Variants in GLI2 observed in about 807,000 individuals in gnomAD.
The protein encoded by GLI2 is GLI family zinc finger 2, also known as transcription activator GLI2.
GLI2 carries 22 observed loss-of-function variants against 78.9 expected under a neutral mutation model. That is an observed-to-expected ratio of 0.28 (90% CI 0.20 to 0.40). GLI2 has a LOEUF of 0.40. Ranked by LOEUF, GLI2 falls within the 10% of genes least tolerant of loss-of-function variation. The probability of loss-of-function intolerance (pLI) is 1.00; values close to 1 mark genes in which losing one functional copy is unlikely to be tolerated. For missense variants in GLI2, 2,097 were observed against 2,213.2 expected (o/e 0.95, Z 1.05); for synonymous variants, 974 against 963.7 (o/e 1.01, Z -0.20).
chr2:120,761,554 T>C (rs1683212829), intron 1 of GLI2, among the ~76,000 whole-genome samples: 1 of 150,886 alleles, frequency 6.6e-6, no homozygotes, highest in Non-Finnish European at 1.5e-5. Flanking sequence ...TGTGCAGAGG[T>C]GGAGGGCGTA....
intron 2 of GLI2, 80 bp downstream of exon 2, chr2:120,797,548 C>T: frequency 7.2e-7 from 1 of 1,390,156 alleles, no homozygotes; most frequent in Non-Finnish European, 1.0e-6. Context: ...AGTGGTGGCC[C>T]ATGTCGTCAG....
chr2:120,773,397 C>T (rs1239905877), intron 1 of GLI2, among the ~76,000 whole-genome samples: 2 of 152,138 alleles, frequency 1.3e-5, no homozygotes, highest in South Asian at 2.1e-4. Flanking sequence ...TTATGTGTGG[C>T]ATCCTGTCAC....
At chr2:120,870,663 G>A (rs1688380677) in intron 2 of GLI2, among the ~76,000 whole-genome samples, 2 of 152,206 alleles carry the variant, frequency 1.3e-5, no homozygotes, top group Non-Finnish European at 2.9e-5. Flanking sequence ...ATTATTTCAA[G>A]TGACCGCGCC....
chr2:120,926,712 G>A (rs542980764), intron 2 of GLI2, among the ~76,000 whole-genome samples: 57 of 152,332 alleles, frequency 3.7e-4, no homozygotes, highest in Non-Finnish European at 6.6e-4. Flanking sequence ...ACTCAGCTCT[G>A]GAAACTGACA....
chr2:120,970,260 A>C, intron 6 of GLI2, 133 bp from the exon 7 acceptor site: 1 of 641,310 alleles, frequency 1.6e-6, no homozygotes, highest in South Asian at 1.8e-5. Context: ...TGAGTGAGGA[A>C]GCCACGGTGA....
At chr2:120,842,824 C>T (rs768580547) in intron 2 of GLI2, among the ~76,000 whole-genome samples, 153 of 152,216 alleles carry the variant, frequency 1.0e-3, no homozygotes, top group Non-Finnish European at 4.7e-4. Flanking sequence ...AGGCATAGGA[C>T]ATAGTTTTAT....
intron 2 of GLI2, among the ~76,000 whole-genome samples, chr2:120,873,016 C>T (rs1268081299): frequency 2.6e-5 from 4 of 152,250 alleles, no homozygotes; most frequent in Non-Finnish European, 5.9e-5. Flanking sequence ...TATATGCTTG[C>T]AGTCTTCTGT....
At chr2:120,751,351 C>A (rs1311846058) in intron 1 of GLI2, among the ~76,000 whole-genome samples, 1 of 152,156 alleles carries the variant, frequency 6.6e-6, no homozygotes, top group African/African-American at 2.4e-5. Context: ...CCCCTTCCCC[C>A]CAAACTTTAC....
intron 1 of GLI2, among the ~76,000 whole-genome samples, chr2:120,789,033 C>CTTTT (rs35017068): frequency 5.2e-4 from 66 of 126,568 alleles, no homozygotes; most frequent in South Asian, 1.3e-3. Flanking sequence ...TTCTTTCTTT[C>CTTTT]TTTTTTTTTT....
chr2:120,904,660 G>A (rs1024201866), intron 2 of GLI2, among the ~76,000 whole-genome samples: 6 of 152,184 alleles, frequency 3.9e-5, no homozygotes, highest in African/African-American at 9.7e-5. Flanking sequence ...CCCCCTGCCC[G>A]ATGGAATCCA....
In GLI2 at chr2:120,737,675, C is replaced by A. The variant is rs1287451762; in HGVS notation, c.-31+1390C>A. On this transcript the variant is annotated intron_variant, in intron 1 of 13. Transcript: ENST00000361492. The surrounding 1 kb of genome is among the most constrained non-coding windows in gnomAD (Gnocchi z 4.3). ...TGCCGGGCGTGTGAAGGTTTAATCC[C>A]GACAGCTTCAGATAAAGGGAGCAGT... Among the ~76,000 whole-genome samples the A allele has an allele frequency of 6.6e-6, 1 of 152,166 alleles. No individual in the cohort carries two copies. The highest frequency in any genetic ancestry group is 1.5e-5 in the Non-Finnish European group (1 of 68,038).
intron 3 of GLI2, among the ~76,000 whole-genome samples, chr2:120,936,316 C>T (rs976981512): frequency 1.3e-5 from 2 of 152,018 alleles, no homozygotes; most frequent in Non-Finnish European, 2.9e-5. Context: ...TACCGAGTGG[C>T]GGAGAGACCC....
intron 2 of GLI2, among the ~76,000 whole-genome samples, chr2:120,896,011 T>C (rs79453366): frequency 0.029 from 4,374 of 152,266 alleles, 225 homozygotes; most frequent in African/African-American, 0.1. Context: ...GAAACTGAGA[T>C]TGGAGAAGGC....
intron 2 of GLI2, among the ~76,000 whole-genome samples, chr2:120,900,950 G>C (rs1217791979): frequency 6.6e-6 from 1 of 152,176 alleles, no homozygotes; most frequent in African/African-American, 2.4e-5. Flanking sequence ...TTAAGAGGGA[G>C]AACAGAGCCC....
chr2:120,938,199 A>G (rs909366312), intron 3 of GLI2, among the ~76,000 whole-genome samples: 6 of 152,140 alleles, frequency 3.9e-5, no homozygotes, highest in Non-Finnish European at 8.8e-5. Flanking sequence ...CCGGACCCAG[A>G]CACATTCCTG....
chr2:120,977,214 C>T (rs1450940431), intron 9 of GLI2, among the ~76,000 whole-genome samples: 1 of 152,128 alleles, frequency 6.6e-6, no homozygotes, highest in Non-Finnish European at 1.5e-5. Context: ...GCAGAATGTC[C>T]AGCAGAACAA....
chr2:120,814,870 T>C (rs942886332), intron 2 of GLI2, among the ~76,000 whole-genome samples: 1 of 145,014 alleles, frequency 6.9e-6, no homozygotes, highest in Admixed American at 7.4e-5. Flanking sequence ...TCGGGACCAT[T>C]GGGGTAGAGG....
At position 120,928,764 on chromosome 2, in the gene GLI2, T is replaced by C. The variant is rs72837313; in HGVS notation, c.254+1298T>C. 1.9e-3 allele frequency among the ~76,000 whole-genome samples: 291 copies of C among 152,360 alleles called. 1 individual carries two copies. The highest frequency in any genetic ancestry group is 3.4e-3 in the Non-Finnish European group (233 of 68,036). The stretch of plus-strand genomic sequence containing the variant: ...TTTCTTTTTAAAAACTGTTTTACTT[T>C]TAAATATTTTACTCTGAAATAATTA... On this transcript the variant is annotated intron_variant, in intron 3 of 13. Transcript: ENST00000361492.
chr2:120,876,353 C>A (rs1290519889), intron 2 of GLI2, among the ~76,000 whole-genome samples: 1 of 152,038 alleles, frequency 6.6e-6, no homozygotes, highest in African/African-American at 2.4e-5. Context: ...AAAAAATAAA[C>A]AAACAAACAA....
Sources: allele counts gnomAD v4.1 joint callset (sites outside exome capture counted in the v4.1 genomes callset), GRCh38; gene constraint gnomAD v4.1.1; non-coding constraint Gnocchi (gnomAD v3.1); transcripts MANE v1.5; gene names NCBI Gene and HGNC (gene_info 2026-07-23, HGNC 2026-07-21).